KHDRBS2: variants seen among roughly 807,000 people sequenced by gnomAD.
KHDRBS2 encodes the protein KH domain-containing, RNA-binding, signal transduction-associated protein 2.
In KHDRBS2, 26 loss-of-function variants were observed where a neutral mutation model predicts 44.3. The ratio of observed to expected loss-of-function variants is 0.59; its 90% CI spans 0.43 to 0.81. KHDRBS2 has a LOEUF of 0.81. Among genes scored for constraint, KHDRBS2 ranks in the 40% least tolerant of loss-of-function variants. KHDRBS2 has a pLI of 0.00. For missense variants in KHDRBS2, 476 were observed against 433.1 expected (o/e 1.10, Z -0.88); for synonymous variants, 194 against 151.1 (o/e 1.28, Z -2.08).
chr6:62,091,907 AATT>A (rs1292258217), intron 2 of KHDRBS2, among the ~76,000 whole-genome samples: 1 of 152,148 alleles, frequency 6.6e-6, no homozygotes, highest in Non-Finnish European at 1.5e-5. Context: ...ATTAATTATT[AATT>A]ATTAACTACA....
chr6:62,255,906 C>A (rs1837322621), intron 1 of KHDRBS2, among the ~76,000 whole-genome samples: 1 of 151,538 alleles, frequency 6.6e-6, no homozygotes, highest in African/African-American at 2.4e-5. Context: ...CCGGGGTGGG[C>A]AGATAACTTG....
At chr6:62,104,217 A>G (rs1309602882) in intron 2 of KHDRBS2, among the ~76,000 whole-genome samples, 4 of 152,232 alleles carry the variant, frequency 2.6e-5, no homozygotes, top group Non-Finnish European at 5.9e-5. Context: ...CTATTCAAAA[A>G]CAGCATATAC....
At chr6:62,104,566 T>C (rs1239160782) in intron 2 of KHDRBS2, among the ~76,000 whole-genome samples, 2 of 151,828 alleles carry the variant, frequency 1.3e-5, no homozygotes, top group Non-Finnish European at 2.9e-5. Context: ...AAAAACATAA[T>C]CAAAAGAGAA....
chr6:61,943,495 G>C (rs1304299968), intron 4 of KHDRBS2, among the ~76,000 whole-genome samples: 3 of 152,020 alleles, frequency 2.0e-5, no homozygotes, highest in South Asian at 4.2e-4. Context: ...GAATGTAAAT[G>C]AATTAAATTC....
chr6:61,681,813 T>C (rs1561964013), intron 8 of KHDRBS2, among the ~76,000 whole-genome samples: 1 of 151,848 alleles, frequency 6.6e-6, no homozygotes, highest in Non-Finnish European at 1.5e-5. Context: ...AGCTTTTGAG[T>C]ACTGTGGAAA....
intron 8 of KHDRBS2, among the ~76,000 whole-genome samples, chr6:61,696,689 T>A (rs1325523509): frequency 6.6e-6 from 1 of 152,202 alleles, no homozygotes; most frequent in East Asian, 1.9e-4. Flanking sequence ...TTAAGGAATA[T>A]ATTTTTTAAA....
intron 1 of KHDRBS2, among the ~76,000 whole-genome samples, chr6:62,219,915 T>C (rs899449298): frequency 1.4e-5 from 2 of 147,352 alleles, no homozygotes; most frequent in African/African-American, 4.9e-5. Flanking sequence ...AGATCTATAC[T>C]TGAAATTATA....
At chr6:61,557,435 A>G in the KHDRBS2 span, among the ~76,000 whole-genome samples, 3 of 152,222 alleles carry the variant, frequency 2.0e-5, no homozygotes, top group African/African-American at 7.2e-5. Context: ...GTAAAACAGC[A>G]ATAATATTTT....
chr6:61,659,265 C>T, the KHDRBS2 span: 1 of 151,730 alleles, frequency 6.6e-6, no homozygotes, highest in East Asian at 1.9e-4. Flanking sequence ...CTGAGTAAGT[C>T]CCTTTGTCCC....
rs144422712 is a variant in KHDRBS2 at position 62,124,252 on chromosome 6, C to A, written c.219+52933G>T. Among the ~76,000 whole-genome samples the A allele has an allele frequency of 4.0e-3, 608 of 152,214 alleles. 5 individuals carry two copies. Among genetic ancestry groups the A allele is most frequent in the African/African-American group, 0.013 (556 of 41,534 alleles). On this transcript the variant is annotated intron_variant, in intron 2 of 8. Transcript: ENST00000281156. ...GTACTTAGAACCTCAATCCTGAGTACCAATTTCAAGCAATTTATAACTTCC... is the reference window on the plus strand; with the variant it reads ...GTACTTAGAACCTCAATCCTGAGTAACAATTTCAAGCAATTTATAACTTCC...
chr6:62,262,804 A>C (rs1214762506), intron 1 of KHDRBS2, among the ~76,000 whole-genome samples: 1 of 151,772 alleles, frequency 6.6e-6, no homozygotes, highest in East Asian at 1.9e-4. Flanking sequence ...ATCCACAAGT[A>C]TGTGTACATT....
At chr6:61,673,307 A>T in the KHDRBS2 span, among the ~76,000 whole-genome samples, 1 of 151,900 alleles carries the variant, frequency 6.6e-6, no homozygotes, top group Non-Finnish European at 1.5e-5. Flanking sequence ...ACAAACCCAC[A>T]GTCAATATCA....
At chr6:61,941,704 C>T (rs960611566) in intron 4 of KHDRBS2, among the ~76,000 whole-genome samples, 2 of 152,058 alleles carry the variant, frequency 1.3e-5, no homozygotes, top group Non-Finnish European at 2.9e-5. Flanking sequence ...TGCATGGACA[C>T]AGAATCAAAG....
At chr6:62,159,716 T>G (rs527247658) in intron 2 of KHDRBS2, among the ~76,000 whole-genome samples, 1 of 152,308 alleles carries the variant, frequency 6.6e-6, no homozygotes, top group Admixed American at 6.5e-5. Flanking sequence ...AACACATATT[T>G]TGTATGTTAT....
chr6:61,800,983 G>A (rs1256139148), intron 6 of KHDRBS2, among the ~76,000 whole-genome samples: 2 of 152,072 alleles, frequency 1.3e-5, no homozygotes, highest in Non-Finnish European at 2.9e-5. Flanking sequence ...CATCCTGGGT[G>A]CATATACTGG....
At chr6:62,284,891 T>A (rs1342307925) in intron 1 of KHDRBS2, among the ~76,000 whole-genome samples, 1 of 152,142 alleles carries the variant, frequency 6.6e-6, no homozygotes, top group Non-Finnish European at 1.5e-5. Flanking sequence ...TCCGTTTTAG[T>A]TTTTTGCTGT....
At chr6:61,614,405 T>C in the KHDRBS2 span, among the ~76,000 whole-genome samples, 4 of 152,224 alleles carry the variant, frequency 2.6e-5, no homozygotes, top group Admixed American at 1.3e-4. Flanking sequence ...TTGCTAGGGA[T>C]AATAATACTT....
intron 6 of KHDRBS2, among the ~76,000 whole-genome samples, chr6:61,771,387 C>T (rs538079004): frequency 2.6e-5 from 4 of 152,168 alleles, no homozygotes; most frequent in Admixed American, 1.3e-4. Flanking sequence ...AAGACACAGA[C>T]TGGCAAATTG....
intron 1 of KHDRBS2, among the ~76,000 whole-genome samples, chr6:62,208,214 T>C (rs1828364969): frequency 6.6e-6 from 1 of 152,174 alleles, no homozygotes; most frequent in African/African-American, 2.4e-5. Flanking sequence ...TGGCAATATC[T>C]ACAAATTTTT....
Sources: gnomAD v4.1 joint callset for allele counts (sites outside exome capture counted in the v4.1 genomes callset) on GRCh38, gnomAD v4.1.1 for gene constraint, MANE v1.5 for transcripts, NCBI Gene and HGNC (gene_info 2026-07-23, HGNC 2026-07-21) for gene names.